PRKCH: variants seen among roughly 807,000 people sequenced by gnomAD.
The protein encoded by PRKCH is protein kinase C eta type.
A neutral mutation model predicts 82.5 loss-of-function variants in PRKCH; 28 were observed. That is an observed-to-expected ratio of 0.34 (90% CI 0.25 to 0.47). The LOEUF (loss-of-function observed/expected upper bound fraction) is 0.47. Ranked by LOEUF, PRKCH falls within the 20% of genes least tolerant of loss-of-function variation. PRKCH has a pLI of 1.00. For synonymous variants in PRKCH, 322 were observed against 327.4 expected (o/e 0.98, Z 0.18); for missense variants, 705 against 881.8 (o/e 0.80, Z 2.54).
In PRKCH at chr14:61,253,317, C is replaced by G. The variant is rs141592968; in HGVS notation, c.-19+65649C>G. 1.7e-3 allele frequency among the ~76,000 whole-genome samples: 265 copies of G among 152,328 alleles called. 2 individuals carry two copies. The highest frequency in any genetic ancestry group is 3.4e-3 in the Middle Eastern group (1 of 292). On this transcript the variant is annotated intron_variant, in intron 1 of 3. Transcript: ENST00000555185. The stretch of plus-strand genomic sequence containing the variant: ...GTGTTGCACATTTTCTGTGCACAGG[C>G]AGGGATGCGTGAGGCATGATTCTCA...
At position 61,455,553 on chromosome 14, in the gene PRKCH, C is replaced by T. The variant is rs549605014; in HGVS notation, c.961-1623C>T. Among the ~76,000 whole-genome samples, 11 of 152,160 alleles carry T rather than the reference C, an allele frequency of 7.2e-5. No homozygotes were observed. In the South Asian group the frequency reaches 8.3e-4, roughly 11 times the overall value. ...AGGCGGGCAGGATGCCAATATTGTG[C>T]GGGGATTGCTAATGCATGGGACAGT... On this transcript the variant is annotated intron_variant, in intron 7 of 13. Coordinates refer to ENST00000332981, the MANE Select transcript of PRKCH (RefSeq NM_006255.5).
rs1886208533 is a variant in PRKCH, at chr14:61,486,109, A to G, written c.1433+453A>G. Among the ~76,000 whole-genome samples, 3 of 152,218 alleles carry G rather than the reference A, an allele frequency of 2.0e-5. No homozygotes were observed. The South Asian group carries it at 6.2e-4, about 32-fold the overall frequency. On this transcript the variant is annotated intron_variant, in intron 10 of 13. Transcript: ENST00000332981. ...CAGTCTCAGAAGAGACTGTTTATTC[A>G]TGAATTGGTTCAGCCCCAGTTTGCT... is the stretch of plus-strand genomic sequence containing the variant.
At chr14:61,454,892 CTAAT>C (rs1884687649) in intron 7 of PRKCH, among the ~76,000 whole-genome samples, 1 of 152,152 alleles carries the variant, frequency 6.6e-6, no homozygotes, top group Non-Finnish European at 1.5e-5. Flanking sequence ...ATCGACTCAA[CTAAT>C]TAATCTCTGG....
intron 1 of PRKCH, among the ~76,000 whole-genome samples, chr14:61,367,590 C>T (rs769346185): frequency 7.2e-5 from 11 of 151,848 alleles, no homozygotes; most frequent in Non-Finnish European, 1.5e-4. Flanking sequence ...CTCTGTTGGA[C>T]GTTTTGTGAC....
chr14:61,539,345 AAC>A (rs1491069143), intron 12 of PRKCH, among the ~76,000 whole-genome samples: 2 of 152,200 alleles, frequency 1.3e-5, no homozygotes, highest in Non-Finnish European at 2.9e-5. Flanking sequence ...CAGCATGGAA[AAC>A]ACAGCCAGCA....
At chr14:61,356,562 G>C (rs773983755) in intron 1 of PRKCH, among the ~76,000 whole-genome samples, 5 of 152,198 alleles carry the variant, frequency 3.3e-5, no homozygotes, top group Non-Finnish European at 7.3e-5. Flanking sequence ...ATTGGCTTAA[G>C]TAGTAAGAGT....
chr14:61,369,244 C>G (rs139160522), intron 1 of PRKCH, among the ~76,000 whole-genome samples: 136 of 152,194 alleles, frequency 8.9e-4, no homozygotes, highest in Admixed American at 2.2e-3. Flanking sequence ...TGCTGGACCC[C>G]CATGCCCAGA....
intron 9 of PRKCH, among the ~76,000 whole-genome samples, chr14:61,468,749 C>G (rs1885372305): frequency 6.6e-6 from 1 of 152,152 alleles, no homozygotes; most frequent in Non-Finnish European, 1.5e-5. Flanking sequence ...CACTGACAAC[C>G]TAGAGACTGA....
chr14:61,526,402 T>C (rs1314999978), intron 10 of PRKCH, among the ~76,000 whole-genome samples: 3 of 152,248 alleles, frequency 2.0e-5, no homozygotes, highest in Non-Finnish European at 1.5e-5. Flanking sequence ...GTCTGTTCTA[T>C]GTTCCATTGA....
At chr14:61,484,291 C>CGT (rs1886108971) in intron 9 of PRKCH, among the ~76,000 whole-genome samples, 1 of 86,382 alleles carries the variant, frequency 1.2e-5, no homozygotes, top group Non-Finnish European at 2.1e-5. Context: ...GCTTGTGTCA[C>CGT]TTTTTTTTTT....
intron 5 of PRKCH, 103 bp downstream of exon 5, chr14:61,449,355 TTC>T: frequency 1.0e-6 from 1 of 979,086 alleles, no homozygotes; most frequent in South Asian, 1.5e-5. Flanking sequence ...CCTCTTTTCC[TTC>T]TCCCCGTCCC....
rs560304010 is a variant in PRKCH at position 61,508,175 on chromosome 14, T to C, written c.1434-20900T>C. On this transcript the variant is annotated intron_variant, in intron 10 of 13. Coordinates refer to ENST00000332981, the MANE Select transcript of PRKCH (RefSeq NM_006255.5). ...ATGGCAATTGACATGGCAATTGACA[T>C]GATAAAAGCTACTGTATTTCCTTGA... Among the ~76,000 whole-genome samples, 5 of 152,224 alleles carry C rather than the reference T, an allele frequency of 3.3e-5. No homozygotes were observed. In the East Asian group the frequency reaches 5.8e-4, roughly 18 times the overall value.
At chr14:61,439,384 TTTTC>T (rs1296775774) in intron 2 of PRKCH, among the ~76,000 whole-genome samples, 5 of 152,150 alleles carry the variant, frequency 3.3e-5, no homozygotes, top group African/African-American at 1.2e-4. Flanking sequence ...TGGGGGCCCA[TTTTC>T]TTTATGTGAC....
In PRKCH at chr14:61,188,611, G is replaced by GGTGT. The variant is rs1170634010; in HGVS notation, c.-19+984_-19+987dup. On this transcript the variant is annotated intron_variant, in intron 1 of 3. Coordinates refer to the PRKCH transcript ENST00000555185. ...TGTCGGGGGGGTGGGGGGGTGGTGT[G>GGTGT]GTGTGTGTGTGTGTGTGTGTGTGTG... 6.5e-4 allele frequency among the ~76,000 whole-genome samples: 33 copies of GGTGT among 51,002 alleles called. 2 individuals carry two copies. Among genetic ancestry groups the GGTGT allele is most frequent in the African/African-American group, 1.5e-3 (21 of 14,300 alleles). The allele number at this position is 51,002 out of a possible 152,430, so 33.5% of individuals were successfully genotyped here. A position where few individuals can be genotyped will look rare whatever the true frequency, so the allele number is the denominator to read the frequency against.
chr14:61,497,833 G>A (rs150457689), intron 10 of PRKCH, among the ~76,000 whole-genome samples: 139 of 152,188 alleles, frequency 9.1e-4, no homozygotes, highest in African/African-American at 3.1e-3. Flanking sequence ...CCCAAAGAAA[G>A]ACTTCATCCC....
intron 1 of PRKCH, among the ~76,000 whole-genome samples, chr14:61,191,301 T>C (rs1175776536): frequency 6.6e-6 from 1 of 152,188 alleles, no homozygotes; most frequent in Non-Finnish European, 1.5e-5. Context: ...GGTAACCAGA[T>C]TTTGCTCACC....
At chr14:61,218,533 G>C (rs928588548) in intron 1 of PRKCH, among the ~76,000 whole-genome samples, 4 of 151,982 alleles carry the variant, frequency 2.6e-5, no homozygotes, top group African/African-American at 9.7e-5. Context: ...CACTGGCCAG[G>C]TTCACCAAAA....
intron 1 of PRKCH, among the ~76,000 whole-genome samples, chr14:61,369,111 T>C (rs534059235): frequency 6.6e-6 from 1 of 152,208 alleles, no homozygotes; most frequent in Admixed American, 6.5e-5. Flanking sequence ...TGGCTGATTG[T>C]TGGAATACTT....
intron 1 of PRKCH, among the ~76,000 whole-genome samples, chr14:61,240,455 G>A (rs2044827287): frequency 6.6e-6 from 1 of 152,066 alleles, no homozygotes; most frequent in South Asian, 2.1e-4. Context: ...CACATGTGGT[G>A]TTACCTGGAG....
Sources: allele counts gnomAD v4.1 joint callset (sites outside exome capture counted in the v4.1 genomes callset), GRCh38; gene constraint gnomAD v4.1.1; transcripts MANE v1.5; gene names NCBI Gene and HGNC (gene_info 2026-07-23, HGNC 2026-07-21).